The following PDLIM3 variants were observed in gnomAD, a reference collection of about 807,000 sequenced individuals.
PDLIM3 encodes the protein PDZ and LIM domain protein 3.
In PDLIM3, 36 loss-of-function variants were observed where a neutral mutation model predicts 37.3. That is an observed-to-expected ratio of 0.97 (90% CI 0.74 to 1.28). PDLIM3 has a LOEUF of 1.28. PDLIM3 is among the 50% of genes most tolerant of loss of function. PDLIM3 has a pLI of 0.00. For missense variants in PDLIM3, 454 were observed against 485.0 expected (o/e 0.94, Z 0.60); for synonymous variants, 174 against 182.4 (o/e 0.95, Z 0.37).
At chr4:185,524,971 G>A in intron 2 of PDLIM3, 49 bp downstream of exon 2, 1 of 1,590,152 alleles carries the variant, frequency 6.3e-7, no homozygotes, top group East Asian at 2.2e-5. Flanking sequence ...TCTGGTTCAG[G>A]TTCTCCTGCA....
chr4:185,520,809 A>G (rs149789367), intron 3 of PDLIM3, among the ~76,000 whole-genome samples: 1 of 65,462 alleles, frequency 1.5e-5, no homozygotes, highest in African/African-American at 2.8e-5. Context: ...ATCACTGGGG[A>G]TTTGGTACTT....
At chr4:185,517,129 G>A in intron 3 of PDLIM3, 1 of 152,136 alleles carries the variant, frequency 6.6e-6, no homozygotes, top group East Asian at 1.9e-4. Flanking sequence ...GATTGGCTGA[G>A]TTTTGTGATT....
chr4:185,534,224 A>G (rs2095749514), intron 1 of PDLIM3, among the ~76,000 whole-genome samples: 1 of 152,234 alleles, frequency 6.6e-6, no homozygotes, highest in Admixed American at 6.5e-5. Flanking sequence ...CCCAAATCTC[A>G]TAGGCATATA....
Position 185,504,697 on chromosome 4 carries a change from T to TTC in PDLIM3, c.794-113_794-112dup. The TTC allele has an allele frequency of 1.3e-6, 1 of 795,788 alleles. No homozygotes were observed. The highest frequency in any genetic ancestry group is 2.1e-6 in the Non-Finnish European group (1 of 465,882). The allele number at this position is 795,788 out of a possible 1,614,324, so 49.3% of individuals were successfully genotyped here. A position where few individuals can be genotyped will look rare whatever the true frequency, so the allele number is the denominator to read the frequency against. The stretch of plus-strand genomic sequence containing the variant: ...ACCTGAAGTTGCATCTGCACCGTCA[T>TTC]TCCGAGAGGGGCAGGACTGATGCAA... On this transcript the variant is annotated intron_variant, in intron 6 of 7. Transcript: ENST00000284767. This position sits in a 1 kb window ranked among gnomAD's most constrained non-coding sequence, Gnocchi z 4.7.
At chr4:185,520,130 G>T (rs182687922) in intron 3 of PDLIM3, among the ~76,000 whole-genome samples, 1 of 152,324 alleles carries the variant, frequency 6.6e-6, no homozygotes, top group Non-Finnish European at 1.5e-5. Context: ...TTTTGTTCTG[G>T]TTTACGCTAA....
rs1554038423 is a variant in PDLIM3, at chr4:185,513,530, T to TAA, written c.398+738_398+739dup. 9 of 971,910 alleles carry TAA rather than the reference T, an allele frequency of 9.3e-6. No individual in the cohort carries two copies. The African/African-American group carries it at 1.1e-4, about 12-fold the overall frequency. 60.2% of individuals were successfully genotyped at this position (971,910 alleles called of 1,614,324 possible). A position where few individuals can be genotyped will look rare whatever the true frequency, so the allele number is the denominator to read the frequency against. ...GGCACTTAAATTCTTTTTTTTTTTT[T>TAA]AAACAAAAGAATTAAATAAAACATG... On this transcript the variant is annotated intron_variant, in intron 4 of 7. Coordinates refer to ENST00000284767, the MANE Select transcript of PDLIM3 (RefSeq NM_014476.6).
intron 5 of PDLIM3, among the ~76,000 whole-genome samples, chr4:185,507,556 T>G (rs1362997194): frequency 3.3e-5 from 5 of 152,200 alleles, no homozygotes; most frequent in African/African-American, 1.2e-4. Context: ...GATATCACTA[T>G]TTAACACTCT....
intron 1 of PDLIM3, among the ~76,000 whole-genome samples, chr4:185,529,592 C>T (rs2095740382): frequency 1.3e-5 from 2 of 152,160 alleles, no homozygotes; most frequent in Non-Finnish European, 1.5e-5. Flanking sequence ...ACCTGCCTGC[C>T]AAAGACATTT....
intron 6 of PDLIM3, 112 bp downstream of exon 6, chr4:185,506,410 A>T (rs1008695070): frequency 1.0e-5 from 15 of 1,443,606 alleles, no homozygotes; most frequent in Non-Finnish European, 1.3e-5. Flanking sequence ...TTTGGCTCCC[A>T]ATGAAAACCA....
rs778211906 is a variant in PDLIM3, at chr4:185,535,452, C to G, written c.-18G>C. 44 of 1,574,376 alleles carry G rather than the reference C, an allele frequency of 2.8e-5. No homozygotes were observed. In the East Asian group the frequency reaches 1.0e-3, roughly 37 times the overall value. On this transcript the variant is annotated 5_prime_UTR_variant, in exon 1 of 8. Coordinates refer to ENST00000284767, the MANE Select transcript of PDLIM3 (RefSeq NM_014476.6). ...TGGGGCATGCCGCCTTCCTCCCGCC[C>G]ACCGGGCTCTAAGTGTCCCCGCGCA... is the stretch of plus-strand genomic sequence containing the variant.
chr4:185,513,657 C>T (rs2095710240), intron 4 of PDLIM3: 1 of 989,746 alleles, frequency 1.0e-6, no homozygotes, highest in Admixed American at 5.8e-5. Context: ...CACCAGCTTC[C>T]TTCCTGTGGG....
In PDLIM3 at chr4:185,514,507, G is replaced by A. The variant is rs1338785361; in HGVS notation, c.331-170C>T. 5 of 1,420,736 alleles carry A rather than the reference G, an allele frequency of 3.5e-6. No homozygotes were observed. The Admixed American group carries it at 7.9e-5, about 23-fold the overall frequency. The allele number at this position is 1,420,736 out of a possible 1,614,324, so 88.0% of individuals were successfully genotyped here. A position where few individuals can be genotyped will look rare whatever the true frequency, so the allele number is the denominator to read the frequency against. On this transcript the variant is annotated intron_variant, in intron 3 of 7. Transcript: ENST00000284767. This position sits in a 1 kb window ranked among gnomAD's most constrained non-coding sequence, Gnocchi z 4.0. ...ATGTCTTCTTTCCAACCATCTATCC[G>A]CTAAACGGTCAGGCACTGGCGGATT...
chr4:185,516,511 C>T (rs1205347707), intron 3 of PDLIM3: 6 of 152,230 alleles, frequency 3.9e-5, no homozygotes, highest in Admixed American at 3.9e-4. Flanking sequence ...AAGAGAGTGT[C>T]TCTCTTCCCT....
At chr4:185,535,190 A>T (rs1472074843) in intron 1 of PDLIM3, 152 bp downstream of exon 1, 2 of 606,556 alleles carry the variant, frequency 3.3e-6, no homozygotes, top group Admixed American at 3.8e-5. Context: ...CCGCCCCCGG[A>T]GCTGGGCGCC....
chr4:185,513,077 G>T (rs36033067), intron 4 of PDLIM3: 3 of 984,824 alleles, frequency 3.0e-6, no homozygotes, highest in Non-Finnish European at 3.6e-6. Flanking sequence ...GTAGATGGTC[G>T]CTTATTGAGC....
Position 185,504,645 on chromosome 4 carries a change from G to A in PDLIM3, c.794-59C>T. The stretch of plus-strand genomic sequence containing the variant: ...GAACAGCTGGCCGCAGCCTGTGCTT[G>A]GCTTCTATTTTAAAGTGTGCACTTT... On this transcript the variant is annotated intron_variant, in intron 6 of 7. Transcript: ENST00000284767. The surrounding 1 kb of genome is among the most constrained non-coding windows in gnomAD (Gnocchi z 4.7). 1 of 1,373,456 alleles carries A rather than the reference G, an allele frequency of 7.3e-7. No homozygotes were observed. The highest frequency in any genetic ancestry group is 1.0e-6 in the Non-Finnish European group (1 of 975,740). The allele number at this position is 1,373,456 out of a possible 1,614,324, so 85.1% of individuals were successfully genotyped here. A position where few individuals can be genotyped will look rare whatever the true frequency, so the allele number is the denominator to read the frequency against.
chr4:185,527,194 T>G (rs755199402), intron 1 of PDLIM3, among the ~76,000 whole-genome samples: 43 of 152,220 alleles, frequency 2.8e-4, no homozygotes, highest in Admixed American at 4.6e-4. Context: ...AACTTGTCAT[T>G]GCTATGTTTG....
chr4:185,519,264 T>C (rs2095719192), intron 3 of PDLIM3, among the ~76,000 whole-genome samples: 1 of 152,146 alleles, frequency 6.6e-6, no homozygotes, highest in Non-Finnish European at 1.5e-5. Flanking sequence ...ACTTAGCTAT[T>C]TGATGATAGC....
chr4:185,508,731 A>G (rs1467584215), intron 4 of PDLIM3, among the ~76,000 whole-genome samples, 169 bp from the exon 5 acceptor site: 1 of 152,260 alleles, frequency 6.6e-6, no homozygotes, highest in Non-Finnish European at 1.5e-5. Context: ...GAATTTATTT[A>G]TAAAGGGAAG....
Sources: allele counts gnomAD v4.1 joint callset (sites outside exome capture counted in the v4.1 genomes callset), GRCh38; gene constraint gnomAD v4.1.1; non-coding constraint Gnocchi (gnomAD v3.1); transcripts MANE v1.5; gene names NCBI Gene and HGNC (gene_info 2026-07-23, HGNC 2026-07-21).